The following RFTN1 variants were observed in gnomAD, a reference collection of about 807,000 sequenced individuals.
The protein encoded by RFTN1 is raftlin.
RFTN1 carries 26 observed loss-of-function variants against 46.5 expected under a neutral mutation model. The ratio of observed to expected loss-of-function variants is 0.56; its 90% CI spans 0.41 to 0.78. The LOEUF is 0.78. Ranked by LOEUF, RFTN1 falls within the 30% of genes least tolerant of loss-of-function variation. RFTN1 has a pLI of 0.00. For missense variants in RFTN1, 693 were observed against 718.7 expected, an observed-to-expected ratio of 0.96 and a Z score of 0.41; for synonymous variants, 261 against 284.2, an observed-to-expected ratio of 0.92 and a Z score of 0.82.
intron 4 of RFTN1, among the ~76,000 whole-genome samples, chr3:16,399,535 C>T (rs2074553264): frequency 6.6e-6 from 1 of 152,202 alleles, no homozygotes. Flanking sequence ...CCTCCATCCC[C>T]CACACTCAGC....
intron 3 of RFTN1, chr3:16,416,152 C>A: frequency 2.2e-6 from 1 of 455,164 alleles, no homozygotes. Context: ...TTCACCATTC[C>A]AAAGGAATTT....
intron 4 of RFTN1, among the ~76,000 whole-genome samples, chr3:16,409,159 C>A (rs548144784): frequency 1.3e-5 from 2 of 152,198 alleles, no homozygotes; most frequent in Non-Finnish European, 1.5e-5. Flanking sequence ...AAGACAGGAC[C>A]CGGGCTCCTG....
chr3:16,401,867 C>T (rs936533644), intron 4 of RFTN1, among the ~76,000 whole-genome samples: 1 of 152,228 alleles, frequency 6.6e-6, no homozygotes, highest in African/African-American at 2.4e-5. Flanking sequence ...CATATTTCCA[C>T]CAGGCATCAG....
intron 1 of RFTN1, among the ~76,000 whole-genome samples, chr3:16,505,798 T>C (rs928908532): frequency 1.3e-5 from 2 of 152,120 alleles, no homozygotes; most frequent in African/African-American, 4.8e-5. Context: ...CACCGTAGCC[T>C]AGGAAAAAAT....
intron 3 of RFTN1, among the ~76,000 whole-genome samples, chr3:16,420,780 T>C (rs1255664532): frequency 2.6e-5 from 4 of 152,388 alleles, no homozygotes; most frequent in Middle Eastern, 6.8e-3. Context: ...ACATGGCTAA[T>C]GGCTGTGTTA....
At position 16,387,861 on chromosome 3, in the gene RFTN1, G is replaced by A. The variant is rs1262712168; in HGVS notation, c.442-9759C>T. On this transcript the variant is annotated intron_variant, in intron 4 of 9. Transcript: ENST00000334133. This position sits in a 1 kb window ranked among gnomAD's most constrained non-coding sequence, Gnocchi z 5.2. ...TAGCCCTCACCACCCCATCCTCTCT[G>A]GTAGCTCATGCATTCCCCTCCTCCT... 6.6e-6 allele frequency among the ~76,000 whole-genome samples: 1 copy of A among 151,750 alleles called. No homozygotes were observed. The highest frequency in any genetic ancestry group is 1.9e-4 in the East Asian group (1 of 5,160).
chr3:16,453,706 A>G lies in RFTN1; in HGVS notation c.146-19669T>C, dbSNP rs147847056. 4.1e-3 allele frequency among the ~76,000 whole-genome samples: 618 copies of G among 152,360 alleles called. 2 individuals carry two copies. The highest frequency in any genetic ancestry group is 0.017 in the Middle Eastern group (5 of 294). Reference sequence around the variant, plus strand: ...GTATTTACTGCTATGGGAGTCTACAATGGAAGAACCAGAAAAATAAGAATA... The same window carrying G: ...GTATTTACTGCTATGGGAGTCTACAGTGGAAGAACCAGAAAAATAAGAATA... On this transcript the variant is annotated intron_variant, in intron 2 of 9. Coordinates refer to ENST00000334133, the MANE Select transcript of RFTN1 (RefSeq NM_015150.2).
chr3:16,317,688 G>C lies in RFTN1; in HGVS notation c.1333-456C>G, dbSNP rs2068564329. ...TCTCTCACTAGGTCACCTGAGTAAG[G>C]CAGGGCCCAGAACATGGGGCAGACA... On this transcript the variant is annotated intron_variant, in intron 9 of 9. Transcript: ENST00000334133. This position sits in a 1 kb window ranked among gnomAD's most constrained non-coding sequence, Gnocchi z 4.3. Among the ~76,000 whole-genome samples, 1 of 152,152 alleles carries C rather than the reference G, an allele frequency of 6.6e-6. No homozygotes were observed. The highest frequency in any genetic ancestry group is 2.4e-5 in the African/African-American group (1 of 41,434).
intron 2 of RFTN1, among the ~76,000 whole-genome samples, chr3:16,478,154 C>A (rs549872778): frequency 6.6e-6 from 1 of 152,306 alleles, no homozygotes; most frequent in South Asian, 2.1e-4. Flanking sequence ...TGTCCCCAAC[C>A]AAACAGGAGC....
rs1418822715 is a variant in RFTN1 at position 16,316,778 on chromosome 3, A to G, written c.*50T>C. 6.2e-7 allele frequency: 1 copy of G among 1,606,888 alleles called. No individual in the cohort carries two copies. Among genetic ancestry groups the G allele is most frequent in the East Asian group, 2.2e-5 (1 of 44,868 alleles). On this transcript the variant is annotated 3_prime_UTR_variant, in exon 10 of 10. Coordinates refer to ENST00000334133, the MANE Select transcript of RFTN1 (RefSeq NM_015150.2). The surrounding 1 kb of genome is among the most constrained non-coding windows in gnomAD (Gnocchi z 4.5). ...AGCCCCCAAACCAGCTGTTGGTAAG[A>G]TGCCTTGGGTTTGGCAACTCACCTA...
Position 16,475,519 on chromosome 3 carries a change from G to A in RFTN1, c.145+18206C>T, listed in dbSNP as rs2076266387. 1.3e-5 allele frequency among the ~76,000 whole-genome samples: 2 copies of A among 152,216 alleles called. 1 individual carries two copies. The highest frequency in any genetic ancestry group is 4.1e-4 in the South Asian group (2 of 4,838). On this transcript the variant is annotated intron_variant, in intron 2 of 9. Transcript: ENST00000334133. This position sits in a 1 kb window ranked among gnomAD's most constrained non-coding sequence, Gnocchi z 4.2. ...AAAGAAGGCAATTACCCTACTGGGTGAGGTGAATGATCCCAATTTCCACAG... is the reference window on the plus strand; with the variant it reads ...AAAGAAGGCAATTACCCTACTGGGTAAGGTGAATGATCCCAATTTCCACAG...
In RFTN1 at chr3:16,317,343, T is replaced by A; in HGVS notation, c.1333-111A>T. The A allele has an allele frequency of 8.7e-7, 1 of 1,144,444 alleles. No individual in the cohort carries two copies. The highest frequency in any genetic ancestry group is 1.2e-6 in the Non-Finnish European group (1 of 804,202). The allele number at this position is 1,144,444 out of a possible 1,614,324, so 70.9% of individuals were successfully genotyped here. ...ACCATGTCTGAGTGAGACATACAAT[T>A]CCCAGCATCCCCCAGCCAGGCAGTA... is the stretch of plus-strand genomic sequence containing the variant. On this transcript the variant is annotated intron_variant, in intron 9 of 9. Coordinates refer to ENST00000334133, the MANE Select transcript of RFTN1 (RefSeq NM_015150.2). The surrounding 1 kb of genome is among the most constrained non-coding windows in gnomAD (Gnocchi z 4.3).
rs780859937 is a variant in RFTN1 at position 16,316,945 on chromosome 3, A to C, written c.1620T>G (p.Pro540=). Residue 540 remains proline (P), a synonymous_variant, in exon 10 of 10, where the codon CCT becomes CCG. Coordinates refer to ENST00000334133, the MANE Select transcript of RFTN1 (RefSeq NM_015150.2). The surrounding 1 kb of genome is among the most constrained non-coding windows in gnomAD (Gnocchi z 4.5). ...CCACCAGGGCCCTGCTGTGGCTGGCAGGACCATTCTGCACAGCCTCACCCT... is the reference window on the plus strand; with the variant it reads ...CCACCAGGGCCCTGCTGTGGCTGGCCGGACCATTCTGCACAGCCTCACCCT... ...GVEGEAVQNG[P]ASHSRALVGI... The C allele has an allele frequency of 6.2e-7, 1 of 1,613,916 alleles. No homozygotes were observed. The highest frequency in any genetic ancestry group is 1.3e-5 in the African/African-American group (1 of 74,880).
intron 9 of RFTN1, among the ~76,000 whole-genome samples, chr3:16,319,557 C>T (rs966051931): frequency 6.6e-6 from 1 of 152,166 alleles, no homozygotes; most frequent in Admixed American, 6.5e-5. Context: ...ACAATTCCAC[C>T]ACGTGCTAGA....
At chr3:16,478,120 C>T (rs1181673409) in intron 2 of RFTN1, among the ~76,000 whole-genome samples, 1 of 152,232 alleles carries the variant, frequency 6.6e-6, no homozygotes, top group Non-Finnish European at 1.5e-5. Flanking sequence ...TAAGCACTCA[C>T]AGCTGCCCCT....
chr3:16,317,111 G>A lies in RFTN1; in HGVS notation c.1454C>T (p.Ser485Phe). 6.2e-7 allele frequency: 1 copy of A among 1,613,906 alleles called. No homozygotes were observed. Among genetic ancestry groups the A allele is most frequent in the Non-Finnish European group, 8.5e-7 (1 of 1,180,008 alleles). Residue 485 changes from serine (S) to phenylalanine (F), a missense_variant, in exon 10 of 10, where the codon TCT (serine) becomes TTT (phenylalanine). Physicochemically the swap from Ser to Phe is radical, Grantham distance 155. Transcript: ENST00000334133. This position sits in a 1 kb window ranked among gnomAD's most constrained non-coding sequence, Gnocchi z 4.3. ...EENEKNLEDQ[S>F]SKAGDMGNCV... ...GTTTCCCATGTCTCCAGCTTTGGAA[G>A]ACTGGTCTTCTAAGTTCTTCTCATT...
At chr3:16,391,024 CTGCTTT>C (rs551425918) in intron 4 of RFTN1, among the ~76,000 whole-genome samples, 53 of 152,266 alleles carry the variant, frequency 3.5e-4, no homozygotes, top group African/African-American at 1.1e-3. Flanking sequence ...GCTCCTTTGA[CTGCTTT>C]TGCTTTTGCC....
At position 16,370,248 on chromosome 3, in the gene RFTN1, C is replaced by T. The variant is rs954163033; in HGVS notation, c.858G>A (p.Pro286=). 3.7e-6 allele frequency: 6 copies of T among 1,614,036 alleles called. No homozygotes were observed. Among genetic ancestry groups the T allele is most frequent in the Admixed American group, 1.7e-5 (1 of 60,012 alleles). The change falls in exon 6 of 10, where the codon CCG becomes CCA. Residue 286 remains proline, a synonymous_variant. Transcript: ENST00000334133. The surrounding 1 kb of genome is among the most constrained non-coding windows in gnomAD (Gnocchi z 5.5). The part of the protein sequence containing the change: ...KMEIFTLFNK[P]KSHQKCRQYY... ...ATTGCCGGCACTTCTGATGGCTCTT[C>T]GGTTTGTTGAAAAGGGTGAAGATCT...
At chr3:16,469,579 C>T (rs1190859684) in intron 2 of RFTN1, among the ~76,000 whole-genome samples, 1 of 152,188 alleles carries the variant, frequency 6.6e-6, no homozygotes, top group Non-Finnish European at 1.5e-5. Context: ...CAAAGTGGGA[C>T]TCCAGGATGC....
Sources: gnomAD v4.1 joint callset for allele counts (sites outside exome capture counted in the v4.1 genomes callset) on GRCh38, gnomAD v4.1.1 for gene constraint, Gnocchi (gnomAD v3.1) non-coding constraint, MANE v1.5 for transcripts, NCBI Gene and HGNC (gene_info 2026-07-23, HGNC 2026-07-21) for gene names.